RINT1: variants seen among roughly 807,000 people sequenced by gnomAD.
RINT1 encodes the protein RAD50 interactor 1, also known as RAD50-interacting protein 1.
Under a neutral mutation model 97.7 loss-of-function variants are expected in RINT1, and 75 were observed. That is an observed-to-expected ratio of 0.77 (90% CI 0.64 to 0.93). The LOEUF is 0.93. RINT1 is among the 40% of genes least tolerant of loss of function. The pLI is 0.00. For synonymous variants in RINT1, 303 were observed against 326.3 expected (o/e 0.93, Z 0.77); for missense variants, 892 against 925.2 (o/e 0.96, Z 0.47).
At chr7:105,555,000 T>C (rs1157095066) in intron 10 of RINT1, 28 bp from the exon 11 acceptor site, 1 of 1,587,608 alleles carries the variant, frequency 6.3e-7, no homozygotes, top group Non-Finnish European at 8.6e-7. Flanking sequence ...ACCAAAACCT[T>C]CATATGTCTT....
At chr7:105,548,442 T>A (rs896954534) in intron 6 of RINT1, 112 bp from the exon 7 acceptor site, 1 of 884,364 alleles carries the variant, frequency 1.1e-6, no homozygotes, top group African/African-American at 1.6e-5. Flanking sequence ...TAATTAACTC[T>A]ACTGAGTATC....
chr7:105,565,654 C>T lies in RINT1; in HGVS notation c.2186+6C>T, dbSNP rs201369477. On this transcript the variant is annotated splice_donor_region_variant and intron_variant, in intron 14 of 14. Transcript: ENST00000257700. ...CCAGAAAATTATTTTAAACAGTAAG[C>T]TCAACATTTAACAATTAATATTAAT... 2.8e-5 allele frequency: 42 copies of T among 1,524,182 alleles called. No individual in the cohort carries two copies. The highest frequency in any genetic ancestry group is 4.5e-5 in the East Asian group (2 of 44,450). 94.4% of individuals were successfully genotyped at this position (1,524,182 alleles called of 1,614,324 possible). A position where few individuals can be genotyped will look rare whatever the true frequency, so the allele number is the denominator to read the frequency against.
In RINT1 at chr7:105,555,140, T is replaced by A; in HGVS notation, c.1584T>A (p.Thr528=). The part of the protein sequence containing the change: ...IRLTQVMKEE[T]RASLGFRYCA... ...TAACACAAGTGATGAAAGAAGAGAC[T>A]AGAGCTTCCCTTGGCTTTCGATACT... is the stretch of plus-strand genomic sequence containing the variant. The change falls in exon 11 of 15, where the codon ACT becomes ACA. Residue 528 remains threonine (T), a synonymous_variant. Coordinates refer to ENST00000257700, the MANE Select transcript of RINT1 (RefSeq NM_021930.6). 6.2e-7 allele frequency: 1 copy of A among 1,614,100 alleles called. No individual in the cohort carries two copies. Among genetic ancestry groups the A allele is most frequent in the Non-Finnish European group, 8.5e-7 (1 of 1,179,990 alleles).
chr7:105,543,746 A>C (rs1446934208), intron 4 of RINT1, among the ~76,000 whole-genome samples: 1 of 152,078 alleles, frequency 6.6e-6, no homozygotes, highest in Non-Finnish European at 1.5e-5. Flanking sequence ...TTTTTCTTGC[A>C]TATATTTCCC....
intron 2 of RINT1, among the ~76,000 whole-genome samples, chr7:105,534,993 A>T (rs563363051): frequency 6.6e-6 from 1 of 152,170 alleles, no homozygotes; most frequent in Non-Finnish European, 1.5e-5. Context: ...TTTTGCACTT[A>T]GGCATATCAT....
intron 11 of RINT1, 146 bp from the exon 12 acceptor site, chr7:105,563,587 C>T (rs1743891759): frequency 4.7e-6 from 3 of 644,512 alleles, no homozygotes; most frequent in Non-Finnish European, 7.9e-6. Context: ...CCACCTCAGC[C>T]TCCCAAAGTG....
At position 105,550,477 on chromosome 7, in the gene RINT1, G is replaced by C. The variant is rs1790883102; in HGVS notation, c.1324G>C (p.Glu442Gln). The change falls in exon 9 of 15, where the codon GAG becomes CAG. Residue 442 changes from glutamate to glutamine, a missense_variant. Transcript: ENST00000257700. The part of the protein sequence containing the change: ...ETCFQRWLTV[E>Q]RKFALQKMDS... ...CTGTTTTCAGAGATGGTTGACGGTG[G>C]AGAGAAAATGTAAGTGCTGATGTGG... 8 of 1,612,428 alleles carry C rather than the reference G, an allele frequency of 5.0e-6. No individual in the cohort carries two copies. The highest frequency in any genetic ancestry group is 6.8e-6 in the Non-Finnish European group (8 of 1,178,544).
chr7:105,553,272 C>T (rs1205102133), intron 10 of RINT1, among the ~76,000 whole-genome samples: 2 of 151,860 alleles, frequency 1.3e-5, no homozygotes, highest in African/African-American at 4.8e-5. Flanking sequence ...GTCACCCAGG[C>T]TGGAGTGCAA....
intron 12 of RINT1, among the ~76,000 whole-genome samples, chr7:105,564,761 G>T (rs1194590528): frequency 6.6e-6 from 1 of 152,168 alleles, no homozygotes; most frequent in Non-Finnish European, 1.5e-5. Flanking sequence ...AGCACTTTGG[G>T]AGGCCAAGGC....
chr7:105,557,442 A>T (rs12540022), intron 11 of RINT1, among the ~76,000 whole-genome samples: 24,282 of 152,114 alleles, frequency 0.16, 3,160 homozygotes, highest in African/African-American at 0.35. Flanking sequence ...AATTTAAAAT[A>T]TCTGTACATT....
rs1397482803 is a variant in RINT1, at chr7:105,567,385, A to T, written c.*74A>T. 1 of 1,025,152 alleles carries T rather than the reference A, an allele frequency of 9.8e-7. No homozygotes were observed. The highest frequency in any genetic ancestry group is 1.5e-6 in the Non-Finnish European group (1 of 677,780). 63.5% of individuals were successfully genotyped at this position (1,025,152 alleles called of 1,614,324 possible). On this transcript the variant is annotated 3_prime_UTR_variant, in exon 15 of 15. Transcript: ENST00000257700. ...AGCCAATTGGATTTCAAGTTATATG[A>T]TGAAATTCTGAATTAATGAAACTGG...
At chr7:105,565,097 G>T in intron 12 of RINT1, 180 bp from the exon 13 acceptor site, 2 of 484,204 alleles carry the variant, frequency 4.1e-6, no homozygotes, top group South Asian at 1.0e-4. Context: ...AAGAGTATTT[G>T]AGAGTGAAAA....
intron 4 of RINT1, among the ~76,000 whole-genome samples, chr7:105,546,005 A>AG (rs1444165393): frequency 1.8e-4 from 4 of 22,478 alleles, no homozygotes; most frequent in Non-Finnish European, 3.4e-4. Context: ...GGGATGGGGA[A>AG]GGGGGGGCGG....
intron 4 of RINT1, among the ~76,000 whole-genome samples, chr7:105,544,786 G>A (rs1025359567): frequency 2.6e-5 from 4 of 152,144 alleles, no homozygotes; most frequent in African/African-American, 4.8e-5. Flanking sequence ...TATGCCGAGG[G>A]ATTTATATTA....
At position 105,542,561 on chromosome 7, in the gene RINT1, G is replaced by A. The variant is rs750288704; in HGVS notation, c.427G>A (p.Asp143Asn). The A allele has an allele frequency of 2.5e-6, 4 of 1,614,028 alleles. No individual in the cohort carries two copies. The highest frequency in any genetic ancestry group is 3.4e-6 in the Non-Finnish European group (4 of 1,180,046). Reference protein sequence around the residue: ...SHLLTAQPWMDDLGTMISQIE... With the variant: ...SHLLTAQPWMNDLGTMISQIE... ...TTTGCTGACTGCGCAACCTTGGATG[G>A]ACGATCTTGGAACCATGATTAGCCA... Residue 143 changes from aspartate to asparagine, a missense_variant, in exon 4 of 15, where the codon GAC (aspartate) becomes AAC (asparagine). Physicochemically the swap from Asp to Asn is conservative, Grantham distance 23 (BLOSUM62 1). Transcript: ENST00000257700.
chr7:105,541,217 A>C (rs1018981790), intron 3 of RINT1, among the ~76,000 whole-genome samples: 1 of 151,192 alleles, frequency 6.6e-6, no homozygotes, highest in African/African-American at 2.4e-5. Context: ...GTCTCAGCTC[A>C]CTGCAACCTC....
At chr7:105,535,506 G>A (rs1790195767) in intron 2 of RINT1, 1 of 436,354 alleles carries the variant, frequency 2.3e-6, no homozygotes, top group Non-Finnish European at 4.6e-6. Flanking sequence ...GAGATTACAG[G>A]CCTGAGCCAC....
intron 10 of RINT1, among the ~76,000 whole-genome samples, chr7:105,554,600 C>T (rs1278550568): frequency 6.6e-6 from 1 of 151,810 alleles, no homozygotes; most frequent in Non-Finnish European, 1.5e-5. Flanking sequence ...CACTACTGCC[C>T]GGCTAATTTT....
intron 11 of RINT1, among the ~76,000 whole-genome samples, chr7:105,556,394 T>C (rs2133430915): frequency 6.6e-6 from 1 of 152,180 alleles, no homozygotes; most frequent in East Asian, 1.9e-4. Flanking sequence ...CAATTTTGTT[T>C]TATTTAAACC....
Sources: allele counts gnomAD v4.1 joint callset (sites outside exome capture counted in the v4.1 genomes callset), GRCh38; gene constraint gnomAD v4.1.1; transcripts MANE v1.5; gene names NCBI Gene and HGNC (gene_info 2026-07-23, HGNC 2026-07-21).